NWD2: variants seen among roughly 807,000 people sequenced by gnomAD.
NWD2 encodes the protein NACHT and WD repeat domain-containing protein 2.
NWD2 carries 37 observed loss-of-function variants against 132.7 expected under a neutral mutation model. The observed-to-expected ratio is 0.28, with a 90% CI of 0.21 to 0.37. The LOEUF is 0.37. NWD2 is among the 10% of genes least tolerant of loss of function. The pLI, the probability that NWD2 is intolerant of heterozygous loss-of-function variation, is 1.00. For synonymous variants in NWD2, 705 were observed against 803.0 expected (o/e 0.88, Z 2.06); for missense variants, 1,592 against 2,122.4 (o/e 0.75, Z 4.91).
At chr4:37,394,813 T>TTG (rs1720752591) in intron 3 of NWD2, among the ~76,000 whole-genome samples, 4 of 119,558 alleles carry the variant, frequency 3.3e-5, no homozygotes, top group Non-Finnish European at 5.3e-5. Flanking sequence ...TTTTTTTTTT[T>TTG]TTTTTTTTTT....
chr4:37,394,799 G>GTTTTTTTTTGTTTTGTTTTGTTTT (rs1720747283), intron 3 of NWD2, among the ~76,000 whole-genome samples: 1 of 52,596 alleles, frequency 1.9e-5, no homozygotes, highest in Non-Finnish European at 3.2e-5. Context: ...AACCTTTATG[G>GTTTTTTTTTGTTTTGTTTTGTTTT]TTTTTTTTTT....
At chr4:37,316,020 T>C (rs1347741202) in intron 1 of NWD2, among the ~76,000 whole-genome samples, 2 of 152,044 alleles carry the variant, frequency 1.3e-5, no homozygotes, top group African/African-American at 4.8e-5. Context: ...AATCCAAAGG[T>C]ACAGTCTTTT....
chr4:37,395,942 A>G lies in NWD2; in HGVS notation c.358-34630A>G, dbSNP rs540594082. Among the ~76,000 whole-genome samples the G allele has an allele frequency of 4.6e-5, 7 of 151,942 alleles. 1 individual carries two copies. The South Asian group carries it at 1.5e-3, about 32-fold the overall frequency. On this transcript the variant is annotated intron_variant, in intron 3 of 6. Transcript: ENST00000309447. Reference sequence around the variant, plus strand: ...CTACTTGAAAGTGAATCTTGATAGCACCTGTCTGAGATGTATTGCTTCCCC... The same window carrying G: ...CTACTTGAAAGTGAATCTTGATAGCGCCTGTCTGAGATGTATTGCTTCCCC...
intron 1 of NWD2, among the ~76,000 whole-genome samples, chr4:37,277,970 G>A (rs1031983129): frequency 1.3e-5 from 2 of 152,102 alleles, no homozygotes; most frequent in East Asian, 1.9e-4. Flanking sequence ...CTCAGTTTAT[G>A]TATAGACAGA....
At chr4:37,424,065 G>A (rs1711906420) in intron 3 of NWD2, among the ~76,000 whole-genome samples, 1 of 152,046 alleles carries the variant, frequency 6.6e-6, no homozygotes, top group African/African-American at 2.4e-5. Flanking sequence ...GAGCTCCAGG[G>A]AATACATCAC....
At chr4:37,429,744 A>T (rs1712118164) in intron 3 of NWD2, among the ~76,000 whole-genome samples, 2 of 152,254 alleles carry the variant, frequency 1.3e-5, no homozygotes, top group African/African-American at 4.8e-5. Context: ...CATTTAGGTT[A>T]TTACACAATT....
At chr4:37,264,886 G>T (rs1427676205) in intron 1 of NWD2, among the ~76,000 whole-genome samples, 9 of 152,072 alleles carry the variant, frequency 5.9e-5, no homozygotes, top group Admixed American at 5.9e-4. Context: ...TGTAGAGTCT[G>T]CTTCTGGCAT....
At chr4:37,265,090 GT>G (rs1174147093) in intron 1 of NWD2, among the ~76,000 whole-genome samples, 1 of 152,002 alleles carries the variant, frequency 6.6e-6, no homozygotes, top group Non-Finnish European at 1.5e-5. Context: ...TGACTTGATT[GT>G]AAAAAACTCC....
chr4:37,253,065 TAAC>T (rs1717414644), intron 1 of NWD2, among the ~76,000 whole-genome samples: 1 of 150,976 alleles, frequency 6.6e-6, no homozygotes. Flanking sequence ...TTATGTGAGA[TAAC>T]AAGAGCATAA....
chr4:37,254,701 A>G (rs1387022642), intron 1 of NWD2, among the ~76,000 whole-genome samples: 1 of 151,950 alleles, frequency 6.6e-6, no homozygotes, highest in African/African-American at 2.4e-5. Context: ...ATGTATAATT[A>G]GAAAAAAGAG....
Position 37,446,911 on chromosome 4 carries a change from G to T in NWD2, c.4923G>T (p.Gly1641=), listed in dbSNP as rs777752418. The T allele has an allele frequency of 5.2e-6, 8 of 1,551,550 alleles. No individual in the cohort carries two copies. Among genetic ancestry groups the T allele is most frequent in the Non-Finnish European group, 6.1e-6 (7 of 1,146,998 alleles). ...IIVGFDDGSI[G]IYTVVDRVDA... is the part of the protein sequence containing the mutation. ...TGGGCTTTGATGATGGGAGTATAGG[G>T]ATCTACACGGTAGTAGACCGTGTAG... Residue 1641 remains glycine (G), a synonymous_variant, in exon 7 of 7, where the codon GGG becomes GGT. Coordinates refer to ENST00000309447, the MANE Select transcript of NWD2 (RefSeq NM_001144990.2). This position sits in a 1 kb window ranked among gnomAD's most constrained non-coding sequence, Gnocchi z 6.7.
At position 37,245,117 on chromosome 4, in the gene NWD2, C is replaced by T; in HGVS notation, c.50C>T (p.Ala17Val). 1.3e-6 allele frequency: 2 copies of T among 1,547,652 alleles called. No individual in the cohort carries two copies. Among genetic ancestry groups the T allele is most frequent in the Non-Finnish European group, 1.7e-6 (2 of 1,146,632 alleles). Residue 17 changes from alanine to valine, a missense_variant, in exon 1 of 7, where the codon GCG (alanine) becomes GTG (valine). By Grantham distance (64) the Ala-to-Val change is moderately conservative. Transcript: ENST00000309447. Reference protein sequence around the residue: ...GTKLPCPRDSALRRAAFSGNL... With the variant: ...GTKLPCPRDSVLRRAAFSGNL... ...AAGCTGCCCTGTCCCCGAGACTCTG[C>T]GCTCCGGCGGGCGGCTTTCTCTGGG...
intron 3 of NWD2, among the ~76,000 whole-genome samples, chr4:37,416,698 A>T: frequency 6.6e-6 from 1 of 152,254 alleles, no homozygotes; most frequent in East Asian, 1.9e-4. Flanking sequence ...ATATAGAACC[A>T]GACCAGATGT....
At position 37,448,021 on chromosome 4, in the gene NWD2, A is replaced by G. The variant is rs1301159127; in HGVS notation, c.*804A>G. ...TTGTGCTGGGTGTAAAGAAGATTAC[A>G]GGAAGGGCATTACAAATCTGGTCAA... is the stretch of plus-strand genomic sequence containing the variant. On this transcript the variant is annotated 3_prime_UTR_variant, in exon 7 of 7. Coordinates refer to ENST00000309447, the MANE Select transcript of NWD2 (RefSeq NM_001144990.2). 6.6e-6 allele frequency: 1 copy of G among 152,258 alleles called. No individual in the cohort carries two copies. The highest frequency in any genetic ancestry group is 1.9e-4 in the East Asian group (1 of 5,202). The allele number at this position is 152,258 out of a possible 1,614,324, so 9.4% of individuals were successfully genotyped here. A position where few individuals can be genotyped will look rare whatever the true frequency, so the allele number is the denominator to read the frequency against.
At chr4:37,389,187 A>T (rs186793157) in intron 3 of NWD2, among the ~76,000 whole-genome samples, 323 of 152,146 alleles carry the variant, frequency 2.1e-3, no homozygotes, top group East Asian at 4.3e-3. Context: ...TTTGAATAAA[A>T]CCAAAGCTCA....
At chr4:37,425,570 A>G (rs1259351542) in intron 3 of NWD2, among the ~76,000 whole-genome samples, 1 of 152,222 alleles carries the variant, frequency 6.6e-6, no homozygotes, top group African/African-American at 2.4e-5. Context: ...CAATAAAAAG[A>G]AAATTCTTTC....
chr4:37,393,100 G>A (rs1427369125), intron 3 of NWD2, among the ~76,000 whole-genome samples: 1 of 152,174 alleles, frequency 6.6e-6, no homozygotes, highest in Non-Finnish European at 1.5e-5. Flanking sequence ...CTCAGGAAGT[G>A]AAAGGGAGCA....
chr4:37,342,922 G>A (rs1257369020), intron 2 of NWD2, among the ~76,000 whole-genome samples: 4 of 152,120 alleles, frequency 2.6e-5, no homozygotes, highest in Admixed American at 2.6e-4. Context: ...GGACCTGTTT[G>A]TTGCCTGTTT....
At chr4:37,430,096 T>C (rs1712129604) in intron 3 of NWD2, among the ~76,000 whole-genome samples, 1 of 152,232 alleles carries the variant, frequency 6.6e-6, no homozygotes, top group African/African-American at 2.4e-5. Flanking sequence ...GGGTTACTAG[T>C]AGTATCACAT....
Sources: gnomAD v4.1 joint callset for allele counts (sites outside exome capture counted in the v4.1 genomes callset) on GRCh38, gnomAD v4.1.1 for gene constraint, Gnocchi (gnomAD v3.1) non-coding constraint, MANE v1.5 for transcripts, NCBI Gene and HGNC (gene_info 2026-07-23, HGNC 2026-07-21) for gene names.